Variants in KLHL2 observed in about 807,000 individuals in gnomAD.
KLHL2 encodes kelch like family member 2, also known as kelch-like protein 2.
In KLHL2, 15 loss-of-function variants were observed where a neutral mutation model predicts 75.8. The observed-to-expected ratio is 0.20, with a 90% CI of 0.13 to 0.30. The LOEUF (loss-of-function observed/expected upper bound fraction) is 0.30. KLHL2 is among the 10% of genes least tolerant of loss of function. KLHL2 has a pLI of 1.00. For missense variants in KLHL2, 381 were observed against 741.0 expected, an observed-to-expected ratio of 0.51 and a Z score of 5.64; for synonymous variants, 214 against 251.9, an observed-to-expected ratio of 0.85 and a Z score of 1.42.
chr4:165,294,826 G>C (rs1447575836), intron 6 of KLHL2, among the ~76,000 whole-genome samples: 4 of 152,196 alleles, frequency 2.6e-5, no homozygotes, highest in African/African-American at 7.2e-5. Flanking sequence ...CTCAATGCCT[G>C]TAGGAATTAT....
At chr4:165,216,055 GT>G (rs1456845830) in intron 1 of KLHL2, among the ~76,000 whole-genome samples, 1 of 152,106 alleles carries the variant, frequency 6.6e-6, no homozygotes, top group Non-Finnish European at 1.5e-5. Flanking sequence ...ATCTAAAGAA[GT>G]TTTACTTCAT....
At chr4:165,266,998 A>G (rs1050042633) in intron 5 of KLHL2, among the ~76,000 whole-genome samples, 36 of 151,796 alleles carry the variant, frequency 2.4e-4, no homozygotes, top group African/African-American at 8.0e-4. Context: ...TATTTTTTTG[A>G]GCAGTGGTTT....
At chr4:165,257,290 A>G (rs1741252801) in intron 4 of KLHL2, among the ~76,000 whole-genome samples, 1 of 152,256 alleles carries the variant, frequency 6.6e-6, no homozygotes, top group Non-Finnish European at 1.5e-5. Flanking sequence ...GGCCATAGCT[A>G]CATGTGACGG....
At chr4:165,281,841 A>G (rs757974284) in intron 5 of KLHL2, among the ~76,000 whole-genome samples, 56 of 152,336 alleles carry the variant, frequency 3.7e-4, no homozygotes, top group Admixed American at 1.1e-3. Flanking sequence ...TGTTTAACGT[A>G]TATAGCATAT....
intron 5 of KLHL2, among the ~76,000 whole-genome samples, chr4:165,264,273 T>C (rs1286276081): frequency 6.6e-6 from 1 of 151,982 alleles, no homozygotes; most frequent in Non-Finnish European, 1.5e-5. Flanking sequence ...GTTACATGAA[T>C]GACTTGTATA....
At chr4:165,290,232 T>C (rs1002405136) in intron 5 of KLHL2, among the ~76,000 whole-genome samples, 6 of 152,060 alleles carry the variant, frequency 3.9e-5, no homozygotes, top group African/African-American at 1.4e-4. Flanking sequence ...AGCCTTGACC[T>C]CCTGGGCACA....
intron 1 of KLHL2, among the ~76,000 whole-genome samples, chr4:165,214,757 A>G (rs766998631): frequency 2.0e-5 from 3 of 152,166 alleles, no homozygotes; most frequent in African/African-American, 4.8e-5. Flanking sequence ...AAGTTTGGCA[A>G]TTCAAGCTTT....
Position 165,303,494 on chromosome 4 carries a change from G to GCCCC in KLHL2, c.922-2109_922-2106dup, listed in dbSNP as rs35038980. On this transcript the variant is annotated intron_variant, in intron 8 of 14. Coordinates refer to ENST00000226725, the MANE Select transcript of KLHL2 (RefSeq NM_007246.4). The stretch of plus-strand genomic sequence containing the variant: ...CCAATTCTGTAATTTTTACAACCTT[G>GCCCC]CCCCCCCCGCCGTTTTTGGGTGGTC... Among the ~76,000 whole-genome samples, 836 of 113,114 alleles carry GCCCC rather than the reference G, an allele frequency of 7.4e-3. 61 individuals are homozygous for GCCCC. Among genetic ancestry groups the GCCCC allele is most frequent in the African/African-American group, 0.012 (407 of 35,382 alleles). 74.2% of individuals were successfully genotyped at this position (113,114 alleles called of 152,430 possible).
intron 8 of KLHL2, among the ~76,000 whole-genome samples, chr4:165,302,204 C>A (rs1745402246): frequency 6.6e-6 from 1 of 152,200 alleles, no homozygotes; most frequent in Non-Finnish European, 1.5e-5. Flanking sequence ...ATGATCCCTT[C>A]TCAGTGTGTT....
chr4:165,313,854 A>G (rs537228215), intron 12 of KLHL2, among the ~76,000 whole-genome samples, 172 bp from the exon 13 acceptor site: 1 of 152,280 alleles, frequency 6.6e-6, no homozygotes, highest in East Asian at 1.9e-4. Context: ...ATGCTTATTT[A>G]ATCATCAATT....
At chr4:165,294,508 C>A in intron 6 of KLHL2, 40 bp downstream of exon 6, 2 of 1,087,084 alleles carry the variant, frequency 1.8e-6, no homozygotes, top group Non-Finnish European at 2.7e-6. Flanking sequence ...AATGATGTTT[C>A]CCTTTTTTTT....
chr4:165,225,264 G>A lies in KLHL2; in HGVS notation c.153-3543G>A, dbSNP rs1738341953. Among the ~76,000 whole-genome samples, 5 of 152,268 alleles carry A rather than the reference G, an allele frequency of 3.3e-5. No homozygotes were observed. In the South Asian group the frequency reaches 1.0e-3, roughly 32 times the overall value. On this transcript the variant is annotated intron_variant, in intron 2 of 14. Coordinates refer to ENST00000226725, the MANE Select transcript of KLHL2 (RefSeq NM_007246.4). ...CATAAGGTTGGGCCTAGCTTCTCCTGTGTGTTTCCAAATATCCCACACTTG... is the reference window on the plus strand; with the variant it reads ...CATAAGGTTGGGCCTAGCTTCTCCTATGTGTTTCCAAATATCCCACACTTG...
chr4:165,263,937 C>T (rs933515797), intron 5 of KLHL2, among the ~76,000 whole-genome samples: 3 of 149,926 alleles, frequency 2.0e-5, no homozygotes, highest in South Asian at 2.1e-4. Context: ...CCACTCCTTG[C>T]ATGCTGGTTC....
chr4:165,286,026 G>GA (rs1342951996), intron 5 of KLHL2, among the ~76,000 whole-genome samples: 15 of 152,182 alleles, frequency 9.9e-5, no homozygotes, highest in Non-Finnish European at 1.8e-4. Flanking sequence ...AGTAGCCAAA[G>GA]ACAGCTTGGC....
At chr4:165,283,582 G>A (rs1021034537) in intron 5 of KLHL2, among the ~76,000 whole-genome samples, 1 of 152,226 alleles carries the variant, frequency 6.6e-6, no homozygotes, top group African/African-American at 2.4e-5. Context: ...ACAGTCTTGG[G>A]CAGCTCCTAC....
At chr4:165,317,600 A>C (rs1415995881) in intron 13 of KLHL2, among the ~76,000 whole-genome samples, 1 of 152,112 alleles carries the variant, frequency 6.6e-6, no homozygotes, top group Non-Finnish European at 1.5e-5. Context: ...CCTGACTTCA[A>C]GTGATCTGCC....
At chr4:165,247,220 G>A (rs1740331238) in intron 4 of KLHL2, among the ~76,000 whole-genome samples, 1 of 152,198 alleles carries the variant, frequency 6.6e-6, no homozygotes, top group Non-Finnish European at 1.5e-5. Context: ...CAGTGTGGAT[G>A]ATAAATTATA....
chr4:165,267,977 C>T (rs185782514), intron 5 of KLHL2, among the ~76,000 whole-genome samples: 12 of 152,248 alleles, frequency 7.9e-5, no homozygotes, highest in African/African-American at 2.9e-4. Context: ...TAATGATTGC[C>T]TCAATTTCAG....
chr4:165,207,800 A>G lies in KLHL2; in HGVS notation c.-77A>G. On this transcript the variant is annotated 5_prime_UTR_variant, in exon 1 of 15. Coordinates refer to ENST00000226725, the MANE Select transcript of KLHL2 (RefSeq NM_007246.4). The surrounding 1 kb of genome is among the most constrained non-coding windows in gnomAD (Gnocchi z 4.2). ...ATGGAACGCGGCTCGGCGGGCGGGC[A>G]GTGCCGGCGTCCGCGGCTGGAATGG... 1.6e-6 allele frequency: 2 copies of G among 1,263,870 alleles called. No individual in the cohort carries two copies. Among genetic ancestry groups the G allele is most frequent in the South Asian group, 3.0e-5 (2 of 67,550 alleles). The allele number at this position is 1,263,870 out of a possible 1,614,324, so 78.3% of individuals were successfully genotyped here.
Sources: gnomAD v4.1 joint callset for allele counts (sites outside exome capture counted in the v4.1 genomes callset) on GRCh38, gnomAD v4.1.1 for gene constraint, Gnocchi (gnomAD v3.1) non-coding constraint, MANE v1.5 for transcripts, NCBI Gene and HGNC (gene_info 2026-07-23, HGNC 2026-07-21) for gene names.